The following PAH variants were observed in gnomAD, a reference collection of about 807,000 sequenced individuals.
PAH encodes phenylalanine-4-hydroxylase.
PAH carries 64 observed loss-of-function variants against 62.0 expected under a neutral mutation model. The observed-to-expected ratio is 1.03, with a 90% CI of 0.84 to 1.27. The LOEUF (loss-of-function observed/expected upper bound fraction) is 1.27, where lower values mean the gene tolerates loss of function less well. Among genes scored for constraint, PAH ranks in the 50% most tolerant of loss-of-function variants. PAH has a pLI of 0.00. For synonymous variants in PAH, 195 were observed against 196.2 expected (o/e 0.99, Z 0.05); for missense variants, 579 against 542.8 (o/e 1.07, Z -0.66).
At chr12:102,849,197 G>A (rs904140080) in intron 8 of PAH, among the ~76,000 whole-genome samples, 1 of 152,214 alleles carries the variant, frequency 6.6e-6, no homozygotes, top group African/African-American at 2.4e-5. Flanking sequence ...TGGCTGTGGG[G>A]TTAAGAGAAA....
At chr12:102,904,218 C>T (rs1332285468) in intron 2 of PAH, among the ~76,000 whole-genome samples, 3 of 152,176 alleles carry the variant, frequency 2.0e-5, no homozygotes, top group Non-Finnish European at 4.4e-5. Flanking sequence ...TCTTCAAGCT[C>T]ACAGGTTGTG....
Position 102,869,756 on chromosome 12 carries a change from C to T in PAH, c.442-3093G>A, listed in dbSNP as rs117087769. ...GTGGTCAGAGAGCTCTGTGGCCTGA[C>T]GCCCAGCCTCTTGGGGATCTGGCCT... On this transcript the variant is annotated intron_variant, in intron 4 of 12. Transcript: ENST00000553106. 2.6e-3 allele frequency among the ~76,000 whole-genome samples: 401 copies of T among 152,324 alleles called. 2 individuals are homozygous for T. Among genetic ancestry groups the T allele is most frequent in the East Asian group, 9.6e-3 (50 of 5,182 alleles).
rs199475666 is a variant in PAH, at chr12:102,852,919, AG to A, written c.737del (p.Ala246ValfsTer95). On this transcript the variant is annotated frameshift_variant, in exon 7 of 13. Transcript: ENST00000553106. LOFTEE classifies it high-confidence loss of function. ...TCTGFRLRPV[A>X]GLLSSRDFLG... Reference sequence around the variant, plus strand: ...AGAAATCCCGAGAGGAAAGCAGGCCAGCCACAGGTCGGAGGCGGAAACCAGT... The same window carrying A: ...AGAAATCCCGAGAGGAAAGCAGGCCACCACAGGTCGGAGGCGGAAACCAGT... The A allele has an allele frequency of 6.2e-7, 1 of 1,614,184 alleles. No individual in the cohort carries two copies. The highest frequency in any genetic ancestry group is 8.5e-7 in the Non-Finnish European group (1 of 1,180,022).
At chr12:102,951,025 A>G (rs2136777080), upstream of PAH, among the ~76,000 whole-genome samples, 1 of 151,236 alleles carries the variant, frequency 6.6e-6, no homozygotes, top group African/African-American at 2.4e-5. Context: ...ATTTGGGGAC[A>G]TGAATTTGAG....
chr12:102,928,789 G>A (rs1189857424), intron 1 of PAH, among the ~76,000 whole-genome samples: 1 of 152,100 alleles, frequency 6.6e-6, no homozygotes, highest in Non-Finnish European at 1.5e-5. Flanking sequence ...TGAGGTCTAG[G>A]GCTAAGGAGA....
intron 1 of PAH, among the ~76,000 whole-genome samples, chr12:102,949,651 T>C (rs1879660065): frequency 6.6e-6 from 1 of 152,134 alleles, no homozygotes; most frequent in Non-Finnish European, 1.5e-5. Flanking sequence ...TGCTCATGAA[T>C]TGTTATATAG....
chr12:102,896,869 T>C (rs1006173006), intron 2 of PAH, among the ~76,000 whole-genome samples: 6 of 152,180 alleles, frequency 3.9e-5, no homozygotes, highest in African/African-American at 1.4e-4. Context: ...ACTTGGACAA[T>C]GCAAGGATGA....
intron 5 of PAH, among the ~76,000 whole-genome samples, chr12:102,858,150 A>T (rs1230262900): frequency 6.6e-6 from 1 of 152,204 alleles, no homozygotes; most frequent in Non-Finnish European, 1.5e-5. Flanking sequence ...GCAAATGGAA[A>T]ATGAAAAAAG....
chr12:102,888,029 G>C (rs571229195), intron 3 of PAH, among the ~76,000 whole-genome samples: 1 of 152,048 alleles, frequency 6.6e-6, no homozygotes, highest in African/African-American at 2.4e-5. Flanking sequence ...GGCATTTCAC[G>C]GTTGCCTTTG....
intron 2 of PAH, 72 bp from the exon 3 acceptor site, chr12:102,894,990 A>G: frequency 1.8e-6 from 2 of 1,122,488 alleles, no homozygotes; most frequent in South Asian, 1.2e-5. Flanking sequence ...CAGAACCAGA[A>G]CAGGAAAACC....
chr12:102,940,716 A>G (rs1464553030), intron 1 of PAH, among the ~76,000 whole-genome samples: 1 of 152,254 alleles, frequency 6.6e-6, no homozygotes, highest in East Asian at 1.9e-4. Context: ...CCTGAAAGAC[A>G]GGAAGAGAGA....
chr12:102,843,553 T>A, intron 11 of PAH, 93 bp downstream of exon 11: 1 of 1,245,438 alleles, frequency 8.0e-7, no homozygotes, highest in Non-Finnish European at 1.2e-6. Flanking sequence ...GCTGTAGACA[T>A]TGGAGTCCAC....
intron 1 of PAH, among the ~76,000 whole-genome samples, chr12:102,940,291 C>G (rs149751413): frequency 2.0e-5 from 3 of 152,290 alleles, no homozygotes; most frequent in Non-Finnish European, 2.9e-5. Context: ...TCCAAAAGAC[C>G]ACATTAGCTT....
At chr12:102,958,332 T>A in exon 1 of PAH, 1 of 1,464,976 alleles carries the variant, frequency 6.8e-7, no homozygotes, top group Non-Finnish European at 9.0e-7. Context: ...GCCCGCAGCC[T>A]GTTTCTTTGC....
At position 102,847,968 on chromosome 12, in the gene PAH, G is replaced by A. The variant is rs564217470; in HGVS notation, c.913-1017C>T. Among the ~76,000 whole-genome samples the A allele has an allele frequency of 2.3e-4, 35 of 152,336 alleles. No homozygotes were observed. The South Asian group carries it at 3.7e-3, about 16-fold the overall frequency. On this transcript the variant is annotated intron_variant, in intron 8 of 12. Transcript: ENST00000553106. ...GGAGAAGAATTAGTGAGGGGGCAGT[G>A]GCAGGTGATATCAAAGAGGGATCCA...
At chr12:102,942,305 C>T (rs1879323737) in intron 1 of PAH, among the ~76,000 whole-genome samples, 1 of 152,038 alleles carries the variant, frequency 6.6e-6, no homozygotes, top group Non-Finnish European at 1.5e-5. Context: ...ATTAAGAACA[C>T]AATCACATTC....
chr12:102,935,579 T>C (rs111310681), intron 1 of PAH, among the ~76,000 whole-genome samples: 4,900 of 152,204 alleles, frequency 0.032, 274 homozygotes, highest in African/African-American at 0.11. Context: ...TACTTGTTAT[T>C]GGTCTGTTCA....
At chr12:102,839,248 C>T (rs773571262) in intron 12 of PAH, 30 bp from the exon 13 acceptor site, 1 of 1,610,962 alleles carries the variant, frequency 6.2e-7, no homozygotes, top group South Asian at 1.1e-5. Context: ...CAAAATGGGC[C>T]ACTTGTATAA....
chr12:102,931,399 TG>T (rs900777186), intron 1 of PAH, among the ~76,000 whole-genome samples: 11 of 152,068 alleles, frequency 7.2e-5, no homozygotes, highest in African/African-American at 2.7e-4. Flanking sequence ...GGCCAAGTGC[TG>T]GGGGAATGCG....
Sources: allele counts gnomAD v4.1 joint callset (sites outside exome capture counted in the v4.1 genomes callset), GRCh38; gene constraint gnomAD v4.1.1; transcripts MANE v1.5; gene names NCBI Gene and HGNC (gene_info 2026-07-23, HGNC 2026-07-21).